The following NYAP2 variants were observed in gnomAD, a reference collection of about 807,000 sequenced individuals.
The protein encoded by NYAP2 is neuronal tyrosine-phosphorylated phosphoinositide-3-kinase adaptor 2, also known as neuronal tyrosine-phosphorylated phosphoinositide-3-kinase adapter 2.
Under a neutral mutation model 50.4 loss-of-function variants are expected in NYAP2, and 23 were observed. The observed-to-expected ratio is 0.46, with a 90% CI of 0.33 to 0.65. The LOEUF (loss-of-function observed/expected upper bound fraction) is 0.65. Ranked by LOEUF, NYAP2 falls within the 30% of genes least tolerant of loss-of-function variation. NYAP2 has a pLI of 0.02. For missense variants in NYAP2, 885 were observed against 861.0 expected (o/e 1.03, Z -0.35); for synonymous variants, 394 against 365.2 (o/e 1.08, Z -0.90).
At chr2:225,554,207 G>GT (rs1203110757) in intron 4 of NYAP2, among the ~76,000 whole-genome samples, 2,511 of 109,734 alleles carry the variant, frequency 0.023, 37 homozygotes, top group Middle Eastern at 0.049. Context: ...TATTGTTGTT[G>GT]TTTTTTTTTT....
the NYAP2 span, among the ~76,000 whole-genome samples, chr2:225,696,673 T>C: frequency 6.6e-6 from 1 of 151,890 alleles, no homozygotes; most frequent in African/African-American, 2.4e-5. Context: ...ATGCATAGGG[T>C]GTTGTACTAA....
At chr2:225,405,028 A>T (rs965046865) in intron 2 of NYAP2, among the ~76,000 whole-genome samples, 3 of 152,096 alleles carry the variant, frequency 2.0e-5, no homozygotes, top group Non-Finnish European at 4.4e-5. Flanking sequence ...CATTGCAAAG[A>T]GAACACATCT....
intron 4 of NYAP2, among the ~76,000 whole-genome samples, chr2:225,567,984 T>C (rs544690064): frequency 1.3e-5 from 2 of 152,298 alleles, no homozygotes; most frequent in Middle Eastern, 3.4e-3. Context: ...ATAGGAAGGA[T>C]GAGAGTTATG....
intron 4 of NYAP2, among the ~76,000 whole-genome samples, chr2:225,553,760 G>C (rs1168045283): frequency 2.0e-5 from 3 of 152,154 alleles, no homozygotes. Flanking sequence ...AAAAGAGTCT[G>C]GGTGCATGGC....
At chr2:225,608,193 A>T (rs899434353) in intron 5 of NYAP2, among the ~76,000 whole-genome samples, 1 of 152,178 alleles carries the variant, frequency 6.6e-6, no homozygotes, top group Non-Finnish European at 1.5e-5. Context: ...AAAAATATAC[A>T]CTATTAAATG....
intron 3 of NYAP2, 70 bp from the exon 4 acceptor site, chr2:225,513,301 C>A: frequency 1.4e-6 from 2 of 1,406,914 alleles, no homozygotes; most frequent in South Asian, 1.3e-5. Flanking sequence ...TAGTAATATT[C>A]TCACATGTAT....
chr2:225,559,016 C>T (rs756998806), intron 4 of NYAP2, among the ~76,000 whole-genome samples: 1 of 152,040 alleles, frequency 6.6e-6, no homozygotes, highest in South Asian at 2.1e-4. Flanking sequence ...TTTATGACAA[C>T]CTGGAGAAAT....
chr2:225,528,084 A>C (rs529479549), intron 4 of NYAP2, among the ~76,000 whole-genome samples: 1 of 152,308 alleles, frequency 6.6e-6, no homozygotes, highest in East Asian at 1.9e-4. Flanking sequence ...CTGCTTCTGC[A>C]CTCAATGAGA....
chr2:225,461,223 A>T (rs1202754431), intron 3 of NYAP2, among the ~76,000 whole-genome samples: 1 of 152,172 alleles, frequency 6.6e-6, no homozygotes, highest in Non-Finnish European at 1.5e-5. Flanking sequence ...ATTCTGGCCC[A>T]GAAAAGCCTG....
chr2:225,577,822 A>T (rs572319209), intron 4 of NYAP2, among the ~76,000 whole-genome samples: 33 of 146,772 alleles, frequency 2.2e-4, no homozygotes, highest in East Asian at 7.8e-4. Flanking sequence ...TTTTTTTTTT[A>T]AAAAAAGAAG....
At chr2:225,416,820 G>A (rs1049212688) in intron 3 of NYAP2, among the ~76,000 whole-genome samples, 2 of 152,096 alleles carry the variant, frequency 1.3e-5, no homozygotes, top group African/African-American at 4.8e-5. Context: ...AAGAGGAGGG[G>A]CCTTTCAGAA....
chr2:225,576,529 C>T (rs923150378), intron 4 of NYAP2, among the ~76,000 whole-genome samples: 1 of 152,148 alleles, frequency 6.6e-6, no homozygotes, highest in Admixed American at 6.5e-5. Context: ...CACAGTTCTG[C>T]TGAAAGTGGG....
intron 2 of NYAP2, among the ~76,000 whole-genome samples, chr2:225,408,616 T>C (rs1306596816): frequency 1.3e-5 from 2 of 152,082 alleles, no homozygotes; most frequent in Non-Finnish European, 2.9e-5. Flanking sequence ...CCCCTTCCCA[T>C]CATATTTTAG....
intron 4 of NYAP2, among the ~76,000 whole-genome samples, chr2:225,550,231 TC>T (rs888756020): frequency 2.0e-5 from 3 of 152,038 alleles, no homozygotes; most frequent in African/African-American, 7.3e-5. Flanking sequence ...ACATGGATGG[TC>T]CCCTTAGGAT....
chr2:225,631,110 G>T (rs1284592236), intron 6 of NYAP2, among the ~76,000 whole-genome samples: 1 of 152,262 alleles, frequency 6.6e-6, no homozygotes, highest in East Asian at 1.9e-4. Flanking sequence ...CAAAGTGTGG[G>T]TAAATACATA....
chr2:225,675,673 T>G, the NYAP2 span, among the ~76,000 whole-genome samples: 1 of 152,160 alleles, frequency 6.6e-6, no homozygotes, highest in African/African-American at 2.4e-5. Flanking sequence ...AGTGGGATTA[T>G]TAGCTCAGTT....
chr2:225,684,220 T>C, the NYAP2 span, among the ~76,000 whole-genome samples: 2 of 152,158 alleles, frequency 1.3e-5, no homozygotes, highest in Non-Finnish European at 2.9e-5. Flanking sequence ...GAATCAAGTA[T>C]GGCAAATATT....
exon 3 of NYAP2, chr2:225,408,947 A>G (rs1433071475): frequency 5.0e-6 from 8 of 1,611,860 alleles, no homozygotes; most frequent in Non-Finnish European, 6.8e-6. Flanking sequence ...TCTCCAGTAC[A>G]TTGAGGATAT....
At chr2:225,596,826 A>C (rs1692607237) in intron 5 of NYAP2, among the ~76,000 whole-genome samples, 1 of 152,204 alleles carries the variant, frequency 6.6e-6, no homozygotes, top group African/African-American at 2.4e-5. Context: ...TGGGGAAAGC[A>C]AGTAACAAGC....
Sources: gnomAD v4.1 joint callset for allele counts (sites outside exome capture counted in the v4.1 genomes callset) on GRCh38, gnomAD v4.1.1 for gene constraint, MANE v1.5 for transcripts, NCBI Gene and HGNC (gene_info 2026-07-23, HGNC 2026-07-21) for gene names.